The following HOOK3 variants were observed in gnomAD, a reference collection of about 807,000 sequenced individuals.
HOOK3 encodes protein Hook homolog 3.
A neutral mutation model predicts 116.3 loss-of-function variants in HOOK3; 24 were observed. The ratio of observed to expected loss-of-function variants is 0.21; its 90% CI spans 0.15 to 0.29. The LOEUF (loss-of-function observed/expected upper bound fraction) is 0.29. HOOK3 is among the 10% of genes least tolerant of loss of function. The probability of loss-of-function intolerance (pLI) is 1.00; values close to 1 mark genes in which losing one functional copy is unlikely to be tolerated. For synonymous variants in HOOK3, 275 were observed against 283.0 expected, an observed-to-expected ratio of 0.97 and a Z score of 0.28; for missense variants, 632 against 830.2, an observed-to-expected ratio of 0.76 and a Z score of 2.93.
intron 7 of HOOK3, among the ~76,000 whole-genome samples, chr8:42,957,676 G>T (rs1808460559): frequency 6.6e-6 from 1 of 152,086 alleles, no homozygotes; most frequent in Non-Finnish European, 1.5e-5. Context: ...CTTTTCGTCA[G>T]TTGAAGATGT....
chr8:42,992,545 G>A (rs1204859789), intron 15 of HOOK3, among the ~76,000 whole-genome samples: 4 of 150,696 alleles, frequency 2.7e-5, no homozygotes, highest in East Asian at 1.9e-4. Flanking sequence ...GTGAAACCCC[G>A]TCTCTGCTAA....
chr8:42,933,059 C>G (rs1034222099), intron 4 of HOOK3, among the ~76,000 whole-genome samples: 1 of 152,136 alleles, frequency 6.6e-6, no homozygotes, highest in African/African-American at 2.4e-5. Flanking sequence ...AGTTCTATTT[C>G]TAGAAATTGG....
chr8:42,908,677 CTT>C (rs1807361928), intron 2 of HOOK3, among the ~76,000 whole-genome samples: 1 of 152,176 alleles, frequency 6.6e-6, no homozygotes, highest in African/African-American at 2.4e-5. Flanking sequence ...GGATTAAAGA[CTT>C]TTAAACATAC....
chr8:43,029,816 G>C lies in HOOK3; in HGVS notation c.*11318G>C, dbSNP rs1809998089. On this transcript the variant is annotated 3_prime_UTR_variant, in exon 22 of 22. Coordinates refer to ENST00000307602, the MANE Select transcript of HOOK3 (RefSeq NM_032410.4). The stretch of plus-strand genomic sequence containing the variant: ...GAAACCTTAGTACATTGGAGCTGGA[G>C]TTGTATTGAGTACAGCCCCAACTCT... The C allele has an allele frequency of 4.7e-6, 1 of 211,322 alleles. No homozygotes were observed. The highest frequency in any genetic ancestry group is 2.3e-5 in the African/African-American group (1 of 44,082). The allele number at this position is 211,322 out of a possible 1,614,324, so 13.1% of individuals were successfully genotyped here. A position where few individuals can be genotyped will look rare whatever the true frequency, so the allele number is the denominator to read the frequency against.
At chr8:43,007,164 C>CCCA (rs1393692639) in intron 17 of HOOK3, among the ~76,000 whole-genome samples, 1 of 151,690 alleles carries the variant, frequency 6.6e-6, no homozygotes, top group Non-Finnish European at 1.5e-5. Flanking sequence ...ATTACAAGCA[C>CCCA]CCACCACCAC....
intron 3 of HOOK3, among the ~76,000 whole-genome samples, chr8:42,929,043 C>T (rs1807823196): frequency 6.6e-6 from 1 of 151,942 alleles, no homozygotes; most frequent in African/African-American, 2.4e-5. Context: ...GAGACTCTGT[C>T]TCAAAAAAAT....
Position 42,897,043 on chromosome 8 carries a change from G to A in HOOK3, c.-89G>A, listed in dbSNP as rs1464626711. Reference sequence around the variant, plus strand: ...CCGAGGAGCAGGCGGGCCTGAGGCCGAGTCAGCTGCGCGGGCCCCCGGATC... The same window carrying A: ...CCGAGGAGCAGGCGGGCCTGAGGCCAAGTCAGCTGCGCGGGCCCCCGGATC... On this transcript the variant is annotated 5_prime_UTR_variant, in exon 1 of 22. Transcript: ENST00000307602. The A allele has an allele frequency of 1.9e-6, 2 of 1,032,250 alleles. No individual in the cohort carries two copies. Among genetic ancestry groups the A allele is most frequent in the East Asian group, 3.3e-5 (1 of 30,612 alleles). The allele number at this position is 1,032,250 out of a possible 1,614,324, so 63.9% of individuals were successfully genotyped here.
At chr8:42,918,764 C>G (rs960105989) in intron 2 of HOOK3, among the ~76,000 whole-genome samples, 76 of 152,358 alleles carry the variant, frequency 5.0e-4, no homozygotes, top group African/African-American at 1.8e-3. Context: ...AGATTAACAG[C>G]ATCCCAAGGC....
chr8:42,943,303 C>T lies in HOOK3; in HGVS notation c.268-10C>T, dbSNP rs780805819. ...GTAAATGCAATTATAATCCTTTTAT[C>T]TCCATTCAGATTTTAGGACAGCAAA... On this transcript the variant is annotated splice_polypyrimidine_tract_variant and intron_variant, in intron 4 of 21. Transcript: ENST00000307602. 33 of 1,389,454 alleles carry T rather than the reference C, an allele frequency of 2.4e-5. No homozygotes were observed. Among genetic ancestry groups the T allele is most frequent in the Admixed American group, 5.2e-5 (2 of 38,178 alleles). 86.1% of individuals were successfully genotyped at this position (1,389,454 alleles called of 1,614,324 possible).
At chr8:43,016,670 G>A (rs1177317898) in intron 21 of HOOK3, among the ~76,000 whole-genome samples, 1 of 151,824 alleles carries the variant, frequency 6.6e-6, no homozygotes, top group Non-Finnish European at 1.5e-5. Flanking sequence ...ATGTGAAAGT[G>A]GAAAAATGAG....
intron 5 of HOOK3, among the ~76,000 whole-genome samples, chr8:42,950,151 A>T (rs919932705): frequency 3.3e-5 from 5 of 152,140 alleles, no homozygotes; most frequent in Admixed American, 3.3e-4. Flanking sequence ...CATTCTCGTG[A>T]CCTGTAGCTG....
At chr8:42,966,332 G>T in intron 9 of HOOK3, 141 bp from the exon 10 acceptor site, 1 of 758,878 alleles carries the variant, frequency 1.3e-6, no homozygotes, top group South Asian at 2.6e-5. Flanking sequence ...TAGTGCTTGA[G>T]AATGCAGCTT....
At chr8:42,898,134 C>T (rs1807084964) in intron 1 of HOOK3, among the ~76,000 whole-genome samples, 1 of 152,240 alleles carries the variant, frequency 6.6e-6, no homozygotes. Flanking sequence ...GTCAGGATCC[C>T]TGGAGTGTAG....
chr8:42,959,370 C>A, intron 8 of HOOK3, 56 bp downstream of exon 8: 1 of 1,129,482 alleles, frequency 8.9e-7, no homozygotes, highest in Non-Finnish European at 1.3e-6. Context: ...TAAATACCAC[C>A]AAATGTGCTG....
At chr8:42,968,622 G>A (rs1328412310) in intron 11 of HOOK3, among the ~76,000 whole-genome samples, 2 of 152,156 alleles carry the variant, frequency 1.3e-5, no homozygotes, top group Non-Finnish European at 1.5e-5. Flanking sequence ...GAGCCACTGT[G>A]AGCCACCATG....
intron 4 of HOOK3, among the ~76,000 whole-genome samples, chr8:42,934,316 A>G (rs1807924742): frequency 6.6e-6 from 1 of 151,894 alleles, no homozygotes; most frequent in South Asian, 2.1e-4. Flanking sequence ...TGTAACTTTT[A>G]TATCCTCTTC....
At chr8:43,008,519 A>G (rs995661422) in intron 18 of HOOK3, among the ~76,000 whole-genome samples, 3 of 151,640 alleles carry the variant, frequency 2.0e-5, no homozygotes, top group African/African-American at 4.8e-5. Context: ...GGATTTTGCC[A>G]TGTTGCCCAG....
At chr8:42,926,921 C>T (rs186069498) in intron 3 of HOOK3, among the ~76,000 whole-genome samples, 1 of 152,304 alleles carries the variant, frequency 6.6e-6, no homozygotes, top group Non-Finnish European at 1.5e-5. Flanking sequence ...TAATCCCGTG[C>T]AACCCCTAAT....
chr8:42,982,233 C>G (rs1441502381), intron 13 of HOOK3, among the ~76,000 whole-genome samples: 1 of 121,760 alleles, frequency 8.2e-6, no homozygotes, highest in African/African-American at 3.2e-5. Flanking sequence ...CCAGCCTGGG[C>G]AACAGAGTGA....
Sources: allele counts gnomAD v4.1 joint callset (sites outside exome capture counted in the v4.1 genomes callset), GRCh38; gene constraint gnomAD v4.1.1; transcripts MANE v1.5; gene names NCBI Gene and HGNC (gene_info 2026-07-23, HGNC 2026-07-21).